Variants in AKT1 observed in about 807,000 individuals in gnomAD.
AKT1 encodes RAC-alpha serine/threonine-protein kinase.
Under a neutral mutation model 63.1 loss-of-function variants are expected in AKT1, and 21 were observed. The ratio of observed to expected loss-of-function variants is 0.33; its 90% CI spans 0.24 to 0.48. AKT1 has a LOEUF of 0.48. AKT1 is among the 20% of genes least tolerant of loss of function. AKT1 has a pLI of 0.99. For synonymous variants in AKT1, 257 were observed against 253.1 expected (o/e 1.02, Z -0.15); for missense variants, 382 against 666.0 (o/e 0.57, Z 4.69).
chr14:104,778,552 G>A (rs1008155425), intron 4 of AKT1: 4 of 152,250 alleles, frequency 2.6e-5, no homozygotes, highest in African/African-American at 9.7e-5. Context: ...TCAGCCTGGG[G>A]CTTTGCAGGG....
At chr14:104,789,938 T>C (rs956372986) in intron 3 of AKT1, among the ~76,000 whole-genome samples, 1 of 152,180 alleles carries the variant, frequency 6.6e-6, no homozygotes, top group Admixed American at 6.5e-5. Flanking sequence ...GAAGCTCCTC[T>C]GACTCAGAGC....
Position 104,770,212 on chromosome 14 carries a change from C to G in AKT1, c.*129G>C. ...CCACAGCACAAAAACGTCTTTCCATCTGGGCTCGAGAGGACAGCGTGGCTT... is the reference window on the plus strand; with the variant it reads ...CCACAGCACAAAAACGTCTTTCCATGTGGGCTCGAGAGGACAGCGTGGCTT... On this transcript the variant is annotated 3_prime_UTR_variant, in exon 15 of 15. Transcript: ENST00000649815. 9.6e-7 allele frequency: 1 copy of G among 1,042,468 alleles called. No individual in the cohort carries two copies. Among genetic ancestry groups the G allele is most frequent in the Non-Finnish European group, 1.4e-6 (1 of 699,704 alleles). The allele number at this position is 1,042,468 out of a possible 1,614,324, so 64.6% of individuals were successfully genotyped here.
chr14:104,774,823 C>T, intron 8 of AKT1, 115 bp downstream of exon 8: 2 of 1,189,522 alleles, frequency 1.7e-6, no homozygotes, highest in South Asian at 1.5e-5. Flanking sequence ...GCGGCGGAGT[C>T]CACGGTGTGT....
At position 104,769,602 on chromosome 14, in the gene AKT1, C is replaced by T; in HGVS notation, c.*739G>A. On this transcript the variant is annotated 3_prime_UTR_variant, in exon 15 of 15. Transcript: ENST00000649815. ...GTGGAGAGATCATCTGAGGGGGAGGCTCCCGGTGGGACAGTCACCAAGAAC... is the reference window on the plus strand; with the variant it reads ...GTGGAGAGATCATCTGAGGGGGAGGTTCCCGGTGGGACAGTCACCAAGAAC... 1.9e-6 allele frequency: 1 copy of T among 529,154 alleles called. No individual in the cohort carries two copies. The highest frequency in any genetic ancestry group is 4.0e-5 in the East Asian group (1 of 24,998). 32.8% of individuals were successfully genotyped at this position (529,154 alleles called of 1,614,324 possible).
chr14:104,788,994 C>A (rs1390522427), intron 3 of AKT1, among the ~76,000 whole-genome samples: 2 of 152,220 alleles, frequency 1.3e-5, no homozygotes, highest in Admixed American at 1.3e-4. Flanking sequence ...ACGCTGCCCA[C>A]ACACTCAGGA....
chr14:104,792,384 G>A (rs896658910), intron 3 of AKT1, among the ~76,000 whole-genome samples: 3 of 152,164 alleles, frequency 2.0e-5, no homozygotes, highest in African/African-American at 4.8e-5. Flanking sequence ...TCAGATGGCC[G>A]GCCCTGCACA....
intron 5 of AKT1, 168 bp from the exon 6 acceptor site, chr14:104,775,967 G>A: frequency 1.3e-6 from 1 of 748,472 alleles, no homozygotes; most frequent in Non-Finnish European, 2.1e-6. Context: ...TACACTCAGG[G>A]TCACGAAGCC....
At position 104,775,807 on chromosome 14, in the gene AKT1, A is replaced by ACCT; in HGVS notation, c.288-9_288-8insAGG. ...GCGGTTGTCCACTCCTCCCTGCAGG[A>ACCT]GGTCAGGTGAGGCTGCAGGCCTGTA... On this transcript the variant is annotated splice_polypyrimidine_tract_variant and intron_variant, in intron 5 of 14. Coordinates refer to ENST00000649815, the MANE Select transcript of AKT1 (RefSeq NM_001382430.1). 1.2e-6 allele frequency: 2 copies of ACCT among 1,613,222 alleles called. No homozygotes were observed. Among genetic ancestry groups the ACCT allele is most frequent in the Non-Finnish European group, 1.7e-6 (2 of 1,179,662 alleles).
At position 104,771,029 on chromosome 14, in the gene AKT1, G is replaced by A. The variant is rs1892355386; in HGVS notation, c.1261-182C>T. 4 of 603,020 alleles carry A rather than the reference G, an allele frequency of 6.6e-6. No individual in the cohort carries two copies. In the East Asian group the frequency reaches 8.3e-5, roughly 13 times the overall value. The allele number at this position is 603,020 out of a possible 1,614,324, so 37.4% of individuals were successfully genotyped here. ...CAGCTCTGGGAGGGAGGGACATGAG[G>A]GGTGCAGGAGCACGGAGACAACCCT... On this transcript the variant is annotated intron_variant, in intron 13 of 14. Transcript: ENST00000649815.
In AKT1 at chr14:104,776,740, C is replaced by T. The variant is rs183989506; in HGVS notation, c.206G>A (p.Arg69Gln). 12 of 1,613,314 alleles carry T rather than the reference C, an allele frequency of 7.4e-6. No individual in the cohort carries two copies. The highest frequency in any genetic ancestry group is 9.3e-6 in the Non-Finnish European group (11 of 1,179,858). The change falls in exon 5 of 15, where the codon CGG becomes CAG. Residue 69 changes from arginine (R) to glutamine (Q), a missense_variant. Physicochemically the swap from Arg to Gln is conservative, Grantham distance 43 (BLOSUM62 1). Around this residue, in one of 3 missense-constraint regions of AKT1, gnomAD observed 226 missense variants for 366.4 expected, o/e 0.62. Transcript: ENST00000649815. ...GCAGCGGATGATGAAGGTGTTGGGC[C>T]GGGGCCGCTCCGTCTTCATCAGCTG... ...QCQLMKTERP[R>Q]PNTFIIRCLQ...
intron 3 of AKT1, among the ~76,000 whole-genome samples, chr14:104,782,790 G>GGGGGGA (rs1384555727): frequency 6.6e-5 from 10 of 152,130 alleles, no homozygotes; most frequent in Admixed American, 1.3e-4. Context: ...ACCCCTCCAG[G>GGGGGGA]GGAGGAGCAG....
At chr14:104,771,549 G>A (rs1013478691) in intron 13 of AKT1, 9 of 232,366 alleles carry the variant, frequency 3.9e-5, no homozygotes, top group Admixed American at 5.6e-5. Context: ...GGAGGGCAGG[G>A]CAGGAGGGTG....
Position 104,773,774 on chromosome 14 carries a change from G to A in AKT1, c.702+138C>T, listed in dbSNP as rs3730362. 10,335 of 1,200,880 alleles carry A rather than the reference G, an allele frequency of 8.6e-3. 156 individuals are homozygous for A. The highest frequency in any genetic ancestry group is 0.049 in the African/African-American group (3,245 of 65,648). The allele number at this position is 1,200,880 out of a possible 1,614,324, so 74.4% of individuals were successfully genotyped here. A position where few individuals can be genotyped will look rare whatever the true frequency, so the allele number is the denominator to read the frequency against. On this transcript the variant is annotated intron_variant, in intron 9 of 14. Coordinates refer to ENST00000649815, the MANE Select transcript of AKT1 (RefSeq NM_001382430.1). ...GTCACCCCACAGCAGGCAGCTGCCT[G>A]GGCAGGCATCACACCACCCACCCAG...
chr14:104,784,995 C>T (rs919654585), intron 3 of AKT1, among the ~76,000 whole-genome samples: 4 of 152,226 alleles, frequency 2.6e-5, no homozygotes, highest in African/African-American at 7.2e-5. Context: ...GTGGTGGCAG[C>T]GGCTGGCAGG....
At chr14:104,784,346 G>T (rs967423747) in intron 3 of AKT1, among the ~76,000 whole-genome samples, 3 of 152,168 alleles carry the variant, frequency 2.0e-5, no homozygotes, top group Non-Finnish European at 4.4e-5. Flanking sequence ...CTCCAGGCAT[G>T]GGAGGTGGCT....
At position 104,789,568 on chromosome 14, in the gene AKT1, G is replaced by A. The variant is rs61759761; in HGVS notation, c.46+3030C>T. 5.2e-3 allele frequency among the ~76,000 whole-genome samples: 797 copies of A among 152,374 alleles called. 5 individuals are homozygous for A. The highest frequency in any genetic ancestry group is 0.018 in the African/African-American group (756 of 41,580). ...CAGCCAGACCTGCGCCCTGGCCCAG[G>A]ATTGATTTTTTAAAATTGTCAGCCT... On this transcript the variant is annotated intron_variant, in intron 3 of 14. Coordinates refer to ENST00000649815, the MANE Select transcript of AKT1 (RefSeq NM_001382430.1).
In AKT1 at chr14:104,772,943, C is replaced by A; in HGVS notation, c.1107G>T (p.Pro369=). The A allele has an allele frequency of 6.2e-7, 1 of 1,614,008 alleles. No homozygotes were observed. Among genetic ancestry groups the A allele is most frequent in the South Asian group, 1.1e-5 (1 of 91,066 alleles). The change falls in exon 12 of 15, where the codon CCG becomes CCT. Residue 369 remains proline (P), a synonymous_variant. Transcript: ENST00000649815. Reference sequence around the variant, plus strand: ...ACTTGGCCTCGGGACCAAGCGTGCGCGGGAAGCGGATCTCCTCCATGAGGA... The same window carrying A: ...ACTTGGCCTCGGGACCAAGCGTGCGAGGGAAGCGGATCTCCTCCATGAGGA... ...ELILMEEIRF[P]RTLGPEAKSL...
intron 8 of AKT1, chr14:104,774,279 AG>A (rs1233963798): frequency 5.1e-5 from 24 of 469,748 alleles, no homozygotes; most frequent in Non-Finnish European, 8.7e-5. Context: ...CGCCACCATC[AG>A]GCTGGGCCCC....
At chr14:104,775,374 G>A (rs755497388) in intron 6 of AKT1, 167 bp from the exon 7 acceptor site, 387 of 1,301,408 alleles carry the variant, frequency 3.0e-4, no homozygotes, top group Non-Finnish European at 3.7e-4. Context: ...GGCTTACAGG[G>A]AACACATGGC....
Sources: gnomAD v4.1 joint callset for allele counts (sites outside exome capture counted in the v4.1 genomes callset) on GRCh38, gnomAD v4.1.1 for gene constraint, gnomAD v4.1.1 regional missense constraint, MANE v1.5 for transcripts, NCBI Gene and HGNC (gene_info 2026-07-23, HGNC 2026-07-21) for gene names.